The following HAUS8 variants were observed in gnomAD, a reference collection of about 807,000 sequenced individuals.
The protein encoded by HAUS8 is HAUS augmin like complex subunit 8, also known as HAUS augmin-like complex subunit 8.
HAUS8 carries 38 observed loss-of-function variants against 42.9 expected under a neutral mutation model. The ratio of observed to expected loss-of-function variants is 0.89; its 90% CI spans 0.68 to 1.16. HAUS8 has a LOEUF of 1.16. Among genes scored for constraint, HAUS8 ranks in the 50% most tolerant of loss-of-function variants. The pLI is 0.00. For synonymous variants in HAUS8, 199 were observed against 205.8 expected, an observed-to-expected ratio of 0.97 and a Z score of 0.28; for missense variants, 494 against 511.6, an observed-to-expected ratio of 0.97 and a Z score of 0.33.
intron 7 of HAUS8, 38 bp downstream of exon 7, chr19:17,058,773 T>C (rs916623833): frequency 2.5e-6 from 4 of 1,608,736 alleles, no homozygotes; most frequent in Admixed American, 1.7e-5. Flanking sequence ...AGGCCACCCT[T>C]CCATCCATGG....
rs1234490498 is a variant in HAUS8 at position 17,051,436 on chromosome 19, C to T, written c.930-1260G>A. Among the ~76,000 whole-genome samples, 14 of 151,806 alleles carry T rather than the reference C, an allele frequency of 9.2e-5. No homozygotes were observed. In the East Asian group the frequency reaches 2.1e-3, roughly 23 times the overall value. ...TCTTGATGGGTTTTGGGGGTCTGGA[C>T]GCACAAGGATATGTGCTCTGTGCAA... On this transcript the variant is annotated intron_variant, in intron 10 of 10. Coordinates refer to ENST00000253669, the MANE Select transcript of HAUS8 (RefSeq NM_033417.2).
At chr19:17,052,433 T>C (rs1340054982) in intron 10 of HAUS8, 1 of 172,088 alleles carries the variant, frequency 5.8e-6, no homozygotes, top group Non-Finnish European at 1.2e-5. Context: ...AAAGGGAAAT[T>C]AGCTGGGCAT....
At chr19:17,062,961 C>T (rs573948292) in intron 3 of HAUS8, among the ~76,000 whole-genome samples, 182 bp from the exon 4 acceptor site, 8 of 152,340 alleles carry the variant, frequency 5.3e-5, no homozygotes, top group African/African-American at 1.9e-4. Flanking sequence ...AATGTAGATG[C>T]TCACTTGCAG....
intron 3 of HAUS8, among the ~76,000 whole-genome samples, chr19:17,064,648 C>G (rs1437963239): frequency 6.6e-6 from 1 of 152,186 alleles, no homozygotes; most frequent in African/African-American, 2.4e-5. Flanking sequence ...AATGGGATTA[C>G]AACAACTGAA....
intron 2 of HAUS8, 46 bp downstream of exon 2, chr19:17,073,228 G>T (rs750852576): frequency 6.5e-7 from 1 of 1,546,844 alleles, no homozygotes; most frequent in Non-Finnish European, 8.9e-7. Flanking sequence ...AGCACGTAAT[G>T]AAAGAAGAAA....
rs114715112 is a variant in HAUS8, at chr19:17,061,550, A to T, written c.229+1148T>A. On this transcript the variant is annotated intron_variant, in intron 4 of 10. Transcript: ENST00000253669. ...TCTACAAAGCCATACAATGGAACTC[A>T]AACAAGCAGTCCTTTGAAATCATTA... Among the ~76,000 whole-genome samples, 163 of 152,380 alleles carry T rather than the reference A, an allele frequency of 1.1e-3. 1 individual carries two copies. The highest frequency in any genetic ancestry group is 3.8e-3 in the African/African-American group (160 of 41,590).
At chr19:17,052,772 C>T in intron 10 of HAUS8, 53 bp downstream of exon 10, 1 of 1,605,348 alleles carries the variant, frequency 6.2e-7, no homozygotes, top group Admixed American at 1.7e-5. Flanking sequence ...CAGCCACCAA[C>T]AGCCCTGAGC....
intron 8 of HAUS8, among the ~76,000 whole-genome samples, chr19:17,057,054 T>C (rs2123365523): frequency 6.6e-6 from 1 of 152,274 alleles, no homozygotes; most frequent in East Asian, 1.9e-4. Context: ...TAATTTTTAA[T>C]TTTTATAGAA....
chr19:17,052,190 ACT>A, intron 10 of HAUS8: 1 of 150,834 alleles, frequency 6.6e-6, no homozygotes, highest in East Asian at 2.0e-4. Context: ...CTGGTCTTGA[ACT>A]CTTGGCCTAA....
chr19:17,054,492 A>T lies in HAUS8; in HGVS notation c.787+1369T>A, dbSNP rs548892525. Among the ~76,000 whole-genome samples, 9 of 61,734 alleles carry T rather than the reference A, an allele frequency of 1.5e-4. No homozygotes were observed. In the South Asian group the frequency reaches 6.3e-3, roughly 43 times the overall value. The allele number at this position is 61,734 out of a possible 152,430, so 40.5% of individuals were successfully genotyped here. A position where few individuals can be genotyped will look rare whatever the true frequency, so the allele number is the denominator to read the frequency against. ...CAACATAGCCACACCTCGTCTCTAC[A>T]AAAAAAAATATAATAATTAGCCAGG... On this transcript the variant is annotated intron_variant, in intron 9 of 10. Coordinates refer to ENST00000253669, the MANE Select transcript of HAUS8 (RefSeq NM_033417.2).
At chr19:17,059,411 C>A in intron 6 of HAUS8, 146 bp downstream of exon 6, 1 of 622,288 alleles carries the variant, frequency 1.6e-6, no homozygotes, top group South Asian at 2.0e-5. Context: ...GATCTAAGAA[C>A]ATCTGTAGTC....
chr19:17,060,323 CAA>C, intron 4 of HAUS8: 1 of 470,094 alleles, frequency 2.1e-6, no homozygotes, highest in Non-Finnish European at 3.8e-6. Flanking sequence ...TCTGTATAAC[CAA>C]AGAGACGCAA....
intron 10 of HAUS8, 77 bp from the exon 11 acceptor site, chr19:17,050,253 C>A: frequency 8.6e-7 from 1 of 1,159,722 alleles, no homozygotes; most frequent in African/African-American, 1.6e-5. Flanking sequence ...CGGAGGGCTG[C>A]CACACGGGGA....
At chr19:17,067,154 G>A (rs939663170) in intron 3 of HAUS8, among the ~76,000 whole-genome samples, 4 of 146,840 alleles carry the variant, frequency 2.7e-5, no homozygotes, top group African/African-American at 1.0e-4. Context: ...GCAGTGAGCC[G>A]AGATCGCACT....
At chr19:17,075,177 G>T in intron 1 of HAUS8, 1 of 553,916 alleles carries the variant, frequency 1.8e-6, no homozygotes, top group Non-Finnish European at 3.2e-6. Flanking sequence ...GTCGCCCAGC[G>T]TCCCAGCCGA....
chr19:17,070,516 G>A lies in HAUS8; in HGVS notation c.92-1430C>T, dbSNP rs560486299. Among the ~76,000 whole-genome samples, 264 of 152,200 alleles carry A rather than the reference G, an allele frequency of 1.7e-3. 2 individuals carry two copies. Among genetic ancestry groups the A allele is most frequent in the Non-Finnish European group, 7.2e-4 (49 of 68,014 alleles). On this transcript the variant is annotated intron_variant, in intron 2 of 10. Transcript: ENST00000253669. ...TTGCTCTATTCAGCCGCTCTGCCGCGTGGACCCCCTTGCTGTGCATCCCCC... is the reference window on the plus strand; with the variant it reads ...TTGCTCTATTCAGCCGCTCTGCCGCATGGACCCCCTTGCTGTGCATCCCCC...
chr19:17,063,238 T>C (rs967129483), intron 3 of HAUS8, among the ~76,000 whole-genome samples: 1 of 152,182 alleles, frequency 6.6e-6, no homozygotes, highest in African/African-American at 2.4e-5. Flanking sequence ...GGCTCCCGCC[T>C]GTGGTCCCAG....
At chr19:17,061,956 G>A (rs376887394) in intron 4 of HAUS8, among the ~76,000 whole-genome samples, 4 of 151,798 alleles carry the variant, frequency 2.6e-5, no homozygotes, top group Non-Finnish European at 4.4e-5. Flanking sequence ...AGGGCATAGC[G>A]CGAATTCTCA....
In HAUS8 at chr19:17,062,786, T is replaced by C. The variant is rs1297125096; in HGVS notation, c.148-7A>G. The C allele has an allele frequency of 1.2e-6, 2 of 1,606,608 alleles. No homozygotes were observed. Among genetic ancestry groups the C allele is most frequent in the East Asian group, 2.2e-5 (1 of 44,840 alleles). On this transcript the variant is annotated splice_polypyrimidine_tract_variant and splice_region_variant and intron_variant, in intron 3 of 10. Coordinates refer to ENST00000253669, the MANE Select transcript of HAUS8 (RefSeq NM_033417.2). ...ACCCATCTCCTGCAGGAGCCTGTTA[T>C]GGGAACACATGACACTCAGAGGACA...
Sources: gnomAD v4.1 joint callset for allele counts (sites outside exome capture counted in the v4.1 genomes callset) on GRCh38, gnomAD v4.1.1 for gene constraint, MANE v1.5 for transcripts, NCBI Gene and HGNC (gene_info 2026-07-23, HGNC 2026-07-21) for gene names.